The following MCC variants were observed in gnomAD, a reference collection of about 807,000 sequenced individuals.
MCC encodes colorectal mutant cancer protein.
A neutral mutation model predicts 116.2 loss-of-function variants in MCC; 90 were observed. The observed-to-expected ratio is 0.77, with a 90% CI of 0.65 to 0.92. The LOEUF is 0.92. Among genes scored for constraint, MCC ranks in the 40% least tolerant of loss-of-function variants. MCC has a pLI of 0.00. For missense variants in MCC, 1,516 were observed against 1,312.2 expected (o/e 1.16, Z -2.40); for synonymous variants, 578 against 510.5 (o/e 1.13, Z -1.78).
At chr5:113,043,680 A>T (rs1224113664) in intron 16 of MCC, 50 bp from the exon 17 acceptor site, 2 of 1,395,122 alleles carry the variant, frequency 1.4e-6, no homozygotes, top group Admixed American at 3.5e-5. Context: ...AGCCGGCAGC[A>T]CCCTGGAAGC....
At chr5:113,280,726 C>T (rs924590673) in intron 3 of MCC, among the ~76,000 whole-genome samples, 2 of 152,174 alleles carry the variant, frequency 1.3e-5, no homozygotes, top group African/African-American at 4.8e-5. Context: ...AGAATACTGA[C>T]TACAAGAAGA....
intron 17 of MCC, among the ~76,000 whole-genome samples, chr5:113,029,884 C>G (rs1750837306): frequency 6.6e-6 from 1 of 152,228 alleles, no homozygotes; most frequent in Admixed American, 6.5e-5. Flanking sequence ...CGTGCTGGAG[C>G]CATGACGCTC....
intron 1 of MCC, among the ~76,000 whole-genome samples, chr5:113,442,576 G>A (rs183080940): frequency 3.2e-4 from 48 of 152,264 alleles, no homozygotes; most frequent in South Asian, 6.2e-4. Context: ...CTTTACCCAT[G>A]CCTATGTCCT....
chr5:113,253,850 T>A (rs1203479381), intron 3 of MCC, among the ~76,000 whole-genome samples: 1 of 152,066 alleles, frequency 6.6e-6, no homozygotes, highest in Non-Finnish European at 1.5e-5. Flanking sequence ...TAGAAAAGAT[T>A]GCATATTGAA....
Position 113,305,685 on chromosome 5 carries a change from A to G in MCC, c.627+34834T>C, listed in dbSNP as rs144933826. ...ATGATATGACTCCAAAGCATTCCATATACTCTAGCCCAGCGATTTTTCTCC... is the reference window on the plus strand; with the variant it reads ...ATGATATGACTCCAAAGCATTCCATGTACTCTAGCCCAGCGATTTTTCTCC... On this transcript the variant is annotated intron_variant, in intron 3 of 18. Transcript: ENST00000408903. 7.9e-4 allele frequency among the ~76,000 whole-genome samples: 120 copies of G among 152,300 alleles called. 1 individual carries two copies. Among genetic ancestry groups the G allele is most frequent in the African/African-American group, 2.8e-3 (116 of 41,560 alleles).
At chr5:113,189,542 T>C (rs976665213) in intron 3 of MCC, among the ~76,000 whole-genome samples, 4 of 152,194 alleles carry the variant, frequency 2.6e-5, no homozygotes, top group African/African-American at 9.7e-5. Context: ...TTAAAAGCAG[T>C]GTTGGACTCA....
intron 5 of MCC, among the ~76,000 whole-genome samples, chr5:113,134,473 C>G (rs890643689): frequency 6.8e-6 from 1 of 146,992 alleles, no homozygotes; most frequent in Admixed American, 6.8e-5. Flanking sequence ...GTTGCCACAG[C>G]TTTGTAGCAT....
intron 8 of MCC, among the ~76,000 whole-genome samples, chr5:113,088,005 G>A (rs946103371): frequency 6.6e-6 from 1 of 152,130 alleles, no homozygotes; most frequent in African/African-American, 2.4e-5. Context: ...CATTTTCCTT[G>A]CTGTGTATGT....
At chr5:113,202,837 T>C (rs1270786029) in intron 3 of MCC, among the ~76,000 whole-genome samples, 2 of 152,108 alleles carry the variant, frequency 1.3e-5, no homozygotes, top group African/African-American at 4.8e-5. Flanking sequence ...TTCAGACTTT[T>C]GAACTTTATG....
intron 3 of MCC, among the ~76,000 whole-genome samples, chr5:113,178,295 G>A (rs565043292): frequency 6.3e-4 from 96 of 152,308 alleles, no homozygotes; most frequent in Non-Finnish European, 1.2e-3. Context: ...CAGTAGCTCT[G>A]AGCATGCAGC....
At chr5:113,279,671 C>T (rs1039447517) in intron 3 of MCC, among the ~76,000 whole-genome samples, 1 of 152,156 alleles carries the variant, frequency 6.6e-6, no homozygotes, top group South Asian at 2.1e-4. Flanking sequence ...GGAAAGAAAC[C>T]TTGATAAGTC....
chr5:113,233,370 C>G (rs1368516653), intron 3 of MCC, among the ~76,000 whole-genome samples: 1 of 152,072 alleles, frequency 6.6e-6, no homozygotes, highest in Non-Finnish European at 1.5e-5. Context: ...AATGTCTACC[C>G]CAAATGCCTC....
intron 3 of MCC, among the ~76,000 whole-genome samples, chr5:113,320,587 G>A (rs1767399434): frequency 6.6e-6 from 1 of 152,086 alleles, no homozygotes; most frequent in Admixed American, 6.6e-5. Context: ...GTTTATTTTA[G>A]AATTAGGAAA....
intron 3 of MCC, among the ~76,000 whole-genome samples, chr5:113,248,235 TA>T (rs10574369): frequency 0.25 from 32,781 of 133,470 alleles, 4,184 homozygotes; most frequent in African/African-American, 0.34. Flanking sequence ...TGTATCTATT[TA>T]AAAAAAAAAA....
chr5:113,218,890 T>C (rs1221728826), intron 3 of MCC, among the ~76,000 whole-genome samples: 1 of 152,124 alleles, frequency 6.6e-6, no homozygotes, highest in African/African-American at 2.4e-5. Context: ...ATTATAAGAA[T>C]AGCTTTTGAA....
intron 3 of MCC, among the ~76,000 whole-genome samples, chr5:113,276,805 ATTTTTT>A (rs35658846): frequency 2.3e-5 from 3 of 129,108 alleles, no homozygotes; most frequent in South Asian, 2.5e-4. Context: ...TTTTCTTCTT[ATTTTTT>A]TTTTTTTTTT....
At chr5:113,398,444 G>T (rs2150397729) in intron 1 of MCC, among the ~76,000 whole-genome samples, 1 of 152,270 alleles carries the variant, frequency 6.6e-6, no homozygotes, top group East Asian at 1.9e-4. Flanking sequence ...GTACTCATCA[G>T]TGATGGATTG....
At chr5:113,274,190 T>C (rs911353235) in intron 3 of MCC, among the ~76,000 whole-genome samples, 2 of 152,192 alleles carry the variant, frequency 1.3e-5, no homozygotes, top group African/African-American at 4.8e-5. Flanking sequence ...TGTAACAATG[T>C]GTGGTAGCAA....
chr5:113,411,224 CAG>C (rs1769982824), intron 1 of MCC, among the ~76,000 whole-genome samples: 1 of 105,042 alleles, frequency 9.5e-6, no homozygotes, highest in African/African-American at 4.0e-5. Flanking sequence ...CTCCCACCAA[CAG>C]AGTAAAAATG....
Sources: gnomAD v4.1 joint callset for allele counts (sites outside exome capture counted in the v4.1 genomes callset) on GRCh38, gnomAD v4.1.1 for gene constraint, MANE v1.5 for transcripts, NCBI Gene and HGNC (gene_info 2026-07-23, HGNC 2026-07-21) for gene names.